The following MECR variants were observed in gnomAD, a reference collection of about 807,000 sequenced individuals.
The protein encoded by MECR is enoyl-[acyl-carrier-protein] reductase, mitochondrial.
A neutral mutation model predicts 49.1 loss-of-function variants in MECR; 37 were observed. The ratio of observed to expected loss-of-function variants is 0.75; its 90% CI spans 0.58 to 0.99. The LOEUF (loss-of-function observed/expected upper bound fraction) is 0.99. MECR is among the 50% of genes least tolerant of loss of function. The probability of loss-of-function intolerance (pLI) is 0.00; values close to 1 mark genes in which losing one functional copy is unlikely to be tolerated. For synonymous variants in MECR, 198 were observed against 191.1 expected, an observed-to-expected ratio of 1.04 and a Z score of -0.30; for missense variants, 470 against 479.6, an observed-to-expected ratio of 0.98 and a Z score of 0.19.
intron 3 of MECR, among the ~76,000 whole-genome samples, chr1:29,209,406 T>C (rs998682032): frequency 1.4e-4 from 21 of 152,298 alleles, no homozygotes; most frequent in East Asian, 7.7e-4. Context: ...GGGAAGCCTG[T>C]AACAAGCTTT....
chr1:29,222,343 C>T (rs1040089612), intron 1 of MECR, among the ~76,000 whole-genome samples: 14 of 152,070 alleles, frequency 9.2e-5, no homozygotes, highest in Admixed American at 3.9e-4. Flanking sequence ...ATGATCCACC[C>T]GCCTGGGCCT....
intron 4 of MECR, 92 bp from the exon 5 acceptor site, chr1:29,203,325 A>ACCCAG: frequency 1.0e-6 from 1 of 979,350 alleles, no homozygotes; most frequent in Non-Finnish European, 1.5e-6. Context: ...TAGGCAAGGG[A>ACCCAG]GTCCTCAGGC....
At chr1:29,209,748 T>C (rs1228390525) in intron 3 of MECR, among the ~76,000 whole-genome samples, 1 of 152,208 alleles carries the variant, frequency 6.6e-6, no homozygotes, top group Non-Finnish European at 1.5e-5. Context: ...GTCCTCACTG[T>C]GTCACCTTAG....
intron 1 of MECR, among the ~76,000 whole-genome samples, chr1:29,224,997 C>A (rs1416555128): frequency 6.6e-6 from 1 of 152,170 alleles, no homozygotes; most frequent in Admixed American, 6.5e-5. Context: ...GAGGGAAAAC[C>A]CCAGTCTTTT....
chr1:29,189,140 A>G (rs1363085727), downstream of MECR, among the ~76,000 whole-genome samples: 2 of 151,682 alleles, frequency 1.3e-5, no homozygotes, highest in Admixed American at 1.3e-4. Context: ...GGGTTTCACC[A>G]TGTTGGCCAG....
At chr1:29,191,798 C>T (rs927712554), downstream of MECR, among the ~76,000 whole-genome samples, 92 of 152,232 alleles carry the variant, frequency 6.0e-4, no homozygotes, top group African/African-American at 1.9e-3. Flanking sequence ...AACTGGCATG[C>T]AATTAAACCT....
chr1:29,177,957 T>C, the MECR span, among the ~76,000 whole-genome samples: 3 of 144,666 alleles, frequency 2.1e-5, no homozygotes, highest in Non-Finnish European at 3.0e-5. Context: ...TGGAGTGCAG[T>C]GATGCAATCT....
intron 1 of MECR, among the ~76,000 whole-genome samples, chr1:29,227,259 G>C (rs1682342741): frequency 6.6e-6 from 1 of 152,166 alleles, no homozygotes; most frequent in Non-Finnish European, 1.5e-5. Context: ...CACCATGCCT[G>C]GCCCCTGGGT....
the MECR span, among the ~76,000 whole-genome samples, chr1:29,167,752 C>T: frequency 6.6e-6 from 1 of 152,288 alleles, no homozygotes; most frequent in African/African-American, 2.4e-5. Flanking sequence ...ATGAGCTCTT[C>T]ACTAAGAAAA....
chr1:29,185,124 C>T, the MECR span, among the ~76,000 whole-genome samples: 1 of 152,134 alleles, frequency 6.6e-6, no homozygotes, highest in African/African-American at 2.4e-5. Context: ...GAAACTTTGT[C>T]TCAAAAAAGA....
chr1:29,189,258 G>C (rs1289980117), downstream of MECR, among the ~76,000 whole-genome samples: 1 of 144,146 alleles, frequency 6.9e-6, no homozygotes, highest in East Asian at 1.9e-4. Flanking sequence ...TTTTAGTATA[G>C]ACGGGGTTTC....
At position 29,201,386 on chromosome 1, in the gene MECR, G is replaced by C. The variant is rs150587372; in HGVS notation, c.756+557C>G. The C allele has an allele frequency of 7.5e-6, 4 of 533,088 alleles. No homozygotes were observed. Among genetic ancestry groups the C allele is most frequent in the South Asian group, 5.6e-5 (4 of 71,386 alleles). The allele number at this position is 533,088 out of a possible 1,614,324, so 33.0% of individuals were successfully genotyped here. On this transcript the variant is annotated intron_variant, in intron 6 of 9. Coordinates refer to ENST00000263702, the MANE Select transcript of MECR (RefSeq NM_016011.5). This position sits in a 1 kb window ranked among gnomAD's most constrained non-coding sequence, Gnocchi z 4.3. ...TCTGGTCACTTACTAGGCATGTTGTGGGGTGGAGGTTCTGGAAGGTTAAGA... is the reference window on the plus strand; with the variant it reads ...TCTGGTCACTTACTAGGCATGTTGTCGGGTGGAGGTTCTGGAAGGTTAAGA...
chr1:29,204,303 T>C (rs1676031316), intron 4 of MECR, among the ~76,000 whole-genome samples: 1 of 152,024 alleles, frequency 6.6e-6, no homozygotes, highest in Non-Finnish European at 1.5e-5. Flanking sequence ...CTATCTGGTT[T>C]TTGAGAGGCA....
At chr1:29,191,479 G>A (rs1246868068), downstream of MECR, among the ~76,000 whole-genome samples, 4 of 152,100 alleles carry the variant, frequency 2.6e-5, no homozygotes, top group African/African-American at 9.7e-5. Context: ...AATTATAGGT[G>A]TGAGACACCT....
chr1:29,200,658 G>C, intron 6 of MECR, 69 bp from the exon 7 acceptor site: 1 of 1,386,218 alleles, frequency 7.2e-7, no homozygotes, highest in Non-Finnish European at 1.0e-6. Context: ...GCTTGCCCAA[G>C]TGCTGTGTTA....
At chr1:29,179,963 C>G in the MECR span, among the ~76,000 whole-genome samples, 1 of 152,204 alleles carries the variant, frequency 6.6e-6, no homozygotes, top group Non-Finnish European at 1.5e-5. Context: ...ACCTGAGTAA[C>G]ATTAGAAAAG....
the MECR span, among the ~76,000 whole-genome samples, chr1:29,178,782 C>T: frequency 1.3e-5 from 2 of 152,230 alleles, no homozygotes; most frequent in Non-Finnish European, 2.9e-5. Context: ...TTTGTACTCA[C>T]TCCTTCCTTT....
At chr1:29,179,570 A>T in the MECR span, among the ~76,000 whole-genome samples, 1 of 152,138 alleles carries the variant, frequency 6.6e-6, no homozygotes, top group African/African-American at 2.4e-5. Flanking sequence ...GCTGGTCTCA[A>T]ACTCCTGGCC....
At chr1:29,181,900 C>G in the MECR span, 11 of 535,548 alleles carry the variant, frequency 2.1e-5, no homozygotes, top group Admixed American at 9.1e-5. Context: ...CGCGAGCACG[C>G]AGCTCGCGAG....
Sources: allele counts gnomAD v4.1 joint callset (sites outside exome capture counted in the v4.1 genomes callset), GRCh38; gene constraint gnomAD v4.1.1; non-coding constraint Gnocchi (gnomAD v3.1); transcripts MANE v1.5; gene names NCBI Gene and HGNC (gene_info 2026-07-23, HGNC 2026-07-21).